Variants in USP48 observed in about 807,000 individuals in gnomAD.
The protein encoded by USP48 is ubiquitin carboxyl-terminal hydrolase 48.
Under a neutral mutation model 150.7 loss-of-function variants are expected in USP48, and 43 were observed. The ratio of observed to expected loss-of-function variants is 0.29; its 90% CI spans 0.22 to 0.37. The LOEUF (loss-of-function observed/expected upper bound fraction) is 0.37, where lower values mean the gene tolerates loss of function less well. Ranked by LOEUF, USP48 falls within the 10% of genes least tolerant of loss-of-function variation. The pLI is 1.00. For synonymous variants in USP48, 396 were observed against 425.9 expected (o/e 0.93, Z 0.86); for missense variants, 813 against 1,249.6 (o/e 0.65, Z 5.27).
chr1:21,696,472 C>A (rs1414433140), intron 22 of USP48, among the ~76,000 whole-genome samples: 1 of 152,016 alleles, frequency 6.6e-6, no homozygotes, highest in Non-Finnish European at 1.5e-5. Context: ...AAAGCGGGTG[C>A]GGAGACAGAG....
intron 22 of USP48, among the ~76,000 whole-genome samples, chr1:21,696,553 G>C (rs1571734945): frequency 6.6e-6 from 1 of 152,156 alleles, no homozygotes; most frequent in South Asian, 2.1e-4. Context: ...GATTTGAGAG[G>C]AAAAAACTGT....
chr1:21,757,355 T>G lies in USP48; in HGVS notation c.255+308A>C, dbSNP rs530227445. 4 of 197,508 alleles carry G rather than the reference T, an allele frequency of 2.0e-5. No individual in the cohort carries two copies. The South Asian group carries it at 7.2e-4, about 36-fold the overall frequency. The allele number at this position is 197,508 out of a possible 1,614,324, so 12.2% of individuals were successfully genotyped here. ...TCATCATGAGTTTGTTCCCTTGAAT[T>G]ACCATCTCCTTTAAAGAGGCGTTAA... On this transcript the variant is annotated intron_variant, in intron 2 of 26. Coordinates refer to ENST00000308271, the MANE Select transcript of USP48 (RefSeq NM_032236.8).
chr1:21,737,582 G>GC (rs1408638668), intron 8 of USP48, among the ~76,000 whole-genome samples: 1 of 152,114 alleles, frequency 6.6e-6, no homozygotes, highest in Non-Finnish European at 1.5e-5. Flanking sequence ...TCAACTTAAA[G>GC]CAATTATGGG....
chr1:21,685,604 T>C (rs1308889564), intron 25 of USP48, among the ~76,000 whole-genome samples: 1 of 152,206 alleles, frequency 6.6e-6, no homozygotes, highest in Non-Finnish European at 1.5e-5. Flanking sequence ...CATGAGCCAC[T>C]GCGCCCAGCC....
At chr1:21,757,216 T>C (rs565973270) in intron 2 of USP48, among the ~76,000 whole-genome samples, 7 of 152,140 alleles carry the variant, frequency 4.6e-5, no homozygotes, top group African/African-American at 7.2e-5. Flanking sequence ...AATATCTATA[T>C]ATAACAAACT....
intron 9 of USP48, among the ~76,000 whole-genome samples, chr1:21,734,673 G>A (rs2097764744): frequency 6.6e-6 from 1 of 152,170 alleles, no homozygotes; most frequent in South Asian, 2.1e-4. Context: ...AAGCTGTTTA[G>A]CACTTTCTTG....
In USP48 at chr1:21,783,102, C is replaced by A; in HGVS notation, c.-145G>T. 8.2e-7 allele frequency: 1 copy of A among 1,216,064 alleles called. No homozygotes were observed. The highest frequency in any genetic ancestry group is 2.1e-5 in the South Asian group (1 of 47,940). 75.3% of individuals were successfully genotyped at this position (1,216,064 alleles called of 1,614,324 possible). A position where few individuals can be genotyped will look rare whatever the true frequency, so the allele number is the denominator to read the frequency against. Reference sequence around the variant, plus strand: ...AGCTGGCCAGTCAATCACCTGTGCGCGCCACTGCCGCCGCGCCCGCCCGCG... The same window carrying A: ...AGCTGGCCAGTCAATCACCTGTGCGAGCCACTGCCGCCGCGCCCGCCCGCG... On this transcript the variant is annotated 5_prime_UTR_variant, in exon 1 of 27. Transcript: ENST00000308271.
rs1328111595 is a variant in USP48, at chr1:21,782,936, C to A, written c.22G>T (p.Glu8Ter). MAPRLQL[E>*]KAAWRWAETV... ...TCCGCCCAGCGCCAGGCCGCCTTCTCCAGCTGCAGCCGCGGGGCCATGGCC... is the reference window on the plus strand; with the variant it reads ...TCCGCCCAGCGCCAGGCCGCCTTCTACAGCTGCAGCCGCGGGGCCATGGCC... Residue 8 changes from glutamate to a stop codon, truncating the protein, a stop_gained, in exon 1 of 27, where the codon GAG (glutamate) becomes TAG (stop). Coordinates refer to ENST00000308271, the MANE Select transcript of USP48 (RefSeq NM_032236.8). LOFTEE classifies it high-confidence loss of function. 6.5e-7 allele frequency: 1 copy of A among 1,547,440 alleles called. No individual in the cohort carries two copies. The highest frequency in any genetic ancestry group is 1.4e-5 in the African/African-American group (1 of 72,074).
intron 1 of USP48, among the ~76,000 whole-genome samples, chr1:21,776,719 C>G (rs1396749294): frequency 1.3e-5 from 2 of 151,594 alleles, no homozygotes; most frequent in Non-Finnish European, 2.9e-5. Flanking sequence ...TTTGGGAGGC[C>G]AAGGCGGGGG....
chr1:21,709,113 T>C (rs1206890636), intron 15 of USP48, among the ~76,000 whole-genome samples: 1 of 151,914 alleles, frequency 6.6e-6, no homozygotes, highest in Non-Finnish European at 1.5e-5. Context: ...CTCGAACTTC[T>C]GGTTTTAAGC....
chr1:21,682,924 G>A (rs980192004), intron 25 of USP48, among the ~76,000 whole-genome samples: 18 of 151,620 alleles, frequency 1.2e-4, no homozygotes, highest in Non-Finnish European at 2.2e-4. Flanking sequence ...GGCACTGGTG[G>A]GATTGACTAA....
intron 15 of USP48, among the ~76,000 whole-genome samples, chr1:21,714,423 C>T (rs2097698780): frequency 6.6e-6 from 1 of 152,138 alleles, no homozygotes; most frequent in Non-Finnish European, 1.5e-5. Flanking sequence ...GCACATACCA[C>T]CAAACCCACT....
At chr1:21,681,092 G>A in intron 25 of USP48, 1 of 356,868 alleles carries the variant, frequency 2.8e-6, no homozygotes, top group Non-Finnish European at 5.1e-6. Flanking sequence ...CACACCTAGT[G>A]CACGACTCTA....
At chr1:21,714,720 G>C (rs997461141) in intron 15 of USP48, among the ~76,000 whole-genome samples, 3 of 152,184 alleles carry the variant, frequency 2.0e-5, no homozygotes, top group Non-Finnish European at 4.4e-5. Context: ...CTTGTTAGAA[G>C]TAAGCATTCA....
intron 23 of USP48, among the ~76,000 whole-genome samples, chr1:21,693,088 C>T (rs757217299): frequency 1.3e-5 from 2 of 152,050 alleles, no homozygotes; most frequent in Admixed American, 6.6e-5. Flanking sequence ...TAGAAGCGAT[C>T]GCCTCAGCTG....
intron 1 of USP48, among the ~76,000 whole-genome samples, chr1:21,775,073 C>T (rs1033563055): frequency 7.2e-5 from 11 of 151,900 alleles, no homozygotes. Flanking sequence ...CAAGTTGCAA[C>T]AAAGTATGTA....
intron 8 of USP48, among the ~76,000 whole-genome samples, chr1:21,746,350 C>A (rs1245905124): frequency 6.6e-6 from 1 of 152,068 alleles, no homozygotes; most frequent in African/African-American, 2.4e-5. Flanking sequence ...ATTAGCTGGG[C>A]TCCCTTGTAG....
intron 25 of USP48, 130 bp downstream of exon 25, chr1:21,687,061 A>AT (rs1283733521): frequency 1.2e-6 from 1 of 813,710 alleles, no homozygotes; most frequent in Non-Finnish European, 2.0e-6. Context: ...AATGTATTCT[A>AT]CTGTAACAAT....
intron 1 of USP48, among the ~76,000 whole-genome samples, chr1:21,758,884 T>A (rs1264528801): frequency 6.6e-6 from 1 of 151,934 alleles, no homozygotes; most frequent in Non-Finnish European, 1.5e-5. Context: ...CAAAAATAAA[T>A]CAACTGGCTA....
Sources: allele counts gnomAD v4.1 joint callset (sites outside exome capture counted in the v4.1 genomes callset), GRCh38; gene constraint gnomAD v4.1.1; transcripts MANE v1.5; gene names NCBI Gene and HGNC (gene_info 2026-07-23, HGNC 2026-07-21).